The following LRRC4C variants were observed in gnomAD, a reference collection of about 807,000 sequenced individuals.
The protein encoded by LRRC4C is leucine-rich repeat-containing protein 4C.
In LRRC4C, 5 loss-of-function variants were observed where a neutral mutation model predicts 33.6. The observed-to-expected ratio is 0.15, with a 90% CI of 0.08 to 0.31. LRRC4C has a LOEUF of 0.31. Among genes scored for constraint, LRRC4C ranks in the 10% least tolerant of loss-of-function variants. LRRC4C has a pLI of 1.00. For missense variants in LRRC4C, 560 were observed against 796.7 expected (o/e 0.70, Z 3.58); for synonymous variants, 329 against 302.0 (o/e 1.09, Z -0.93).
At chr11:40,752,407 T>G (rs1318659037) in intron 2 of LRRC4C, among the ~76,000 whole-genome samples, 2 of 151,696 alleles carry the variant, frequency 1.3e-5, no homozygotes, top group Non-Finnish European at 2.9e-5. Context: ...CAACAATATA[T>G]AAACAAATCA....
At chr11:40,264,205 T>G (rs1278155897) in intron 4 of LRRC4C, among the ~76,000 whole-genome samples, 1 of 152,186 alleles carries the variant, frequency 6.6e-6, no homozygotes, top group African/African-American at 2.4e-5. Context: ...ACTGTGTGTC[T>G]CCAAAGCCCA....
chr11:40,436,374 A>G (rs1951140029), intron 3 of LRRC4C, among the ~76,000 whole-genome samples: 1 of 152,218 alleles, frequency 6.6e-6, no homozygotes, highest in African/African-American at 2.4e-5. Context: ...TCAAAGGCAC[A>G]TGAAACATAA....
intron 1 of LRRC4C, among the ~76,000 whole-genome samples, chr11:41,117,661 G>A (rs1443186330): frequency 1.3e-5 from 2 of 152,114 alleles, no homozygotes; most frequent in Admixed American, 1.3e-4. Context: ...TTCTCAGGTT[G>A]TAGGATATCG....
chr11:40,336,160 C>T lies in LRRC4C; in HGVS notation c.-269-16439G>A, dbSNP rs182992153. On this transcript the variant is annotated intron_variant, in intron 3 of 6. Transcript: ENST00000528697. ...GCAGTCAAAACAAAATCCCTGCCTG[C>T]ATGAAATTTACCTTCTAACGTAACT... is the stretch of plus-strand genomic sequence containing the variant. Among the ~76,000 whole-genome samples, 52 of 152,328 alleles carry T rather than the reference C, an allele frequency of 3.4e-4. 1 individual carries two copies. Among genetic ancestry groups the T allele is most frequent in the Admixed American group, 7.8e-4 (12 of 15,300 alleles).
At chr11:40,192,629 T>G (rs1163035957) in intron 5 of LRRC4C, among the ~76,000 whole-genome samples, 3 of 152,088 alleles carry the variant, frequency 2.0e-5, no homozygotes, top group Admixed American at 2.0e-4. Context: ...GAAAGTGGGC[T>G]GAAGCCAGGG....
intron 1 of LRRC4C, among the ~76,000 whole-genome samples, chr11:41,179,037 G>T (rs1471660156): frequency 1.3e-5 from 2 of 152,066 alleles, no homozygotes; most frequent in Non-Finnish European, 1.5e-5. Flanking sequence ...TAAGTAATTT[G>T]CATGGTCCTG....
intron 2 of LRRC4C, among the ~76,000 whole-genome samples, chr11:40,657,792 G>C (rs568603332): frequency 2.0e-4 from 31 of 152,302 alleles, no homozygotes; most frequent in African/African-American, 7.2e-4. Context: ...CACAGGTGAG[G>C]GTCCTCAACC....
intron 2 of LRRC4C, among the ~76,000 whole-genome samples, chr11:40,758,454 G>C (rs764484612): frequency 6.6e-6 from 1 of 152,104 alleles, no homozygotes; most frequent in African/African-American, 2.4e-5. Context: ...TGAAGAAATA[G>C]ATTCTGTGAT....
intron 5 of LRRC4C, among the ~76,000 whole-genome samples, chr11:40,230,120 T>C (rs996617507): frequency 3.9e-5 from 6 of 152,190 alleles, no homozygotes; most frequent in Non-Finnish European, 5.9e-5. Context: ...ATATCAGTGA[T>C]GGAAGAGAAG....
intron 1 of LRRC4C, among the ~76,000 whole-genome samples, chr11:40,987,653 CTCATATATATGAGATATAAATGATAT>C (rs1565274508): frequency 2.1e-4 from 5 of 24,102 alleles, no homozygotes; most frequent in African/African-American, 7.3e-4. Flanking sequence ...ATATATATAT[CTCATATATATGAGATATAAATGATAT>C]ATATATATAT....
intron 3 of LRRC4C, among the ~76,000 whole-genome samples, chr11:40,358,532 C>T (rs1947788502): frequency 6.6e-6 from 1 of 152,104 alleles, no homozygotes; most frequent in South Asian, 2.1e-4. Flanking sequence ...CCACCTGCCT[C>T]AGCTTCCTAA....
At chr11:40,685,200 G>A (rs1270530084) in intron 2 of LRRC4C, among the ~76,000 whole-genome samples, 1 of 151,930 alleles carries the variant, frequency 6.6e-6, no homozygotes, top group East Asian at 1.9e-4. Flanking sequence ...GATGCAACTG[G>A]CACCTCTTCT....
At chr11:41,387,098 T>A (rs192640358) in intron 1 of LRRC4C, among the ~76,000 whole-genome samples, 2 of 151,808 alleles carry the variant, frequency 1.3e-5, no homozygotes, top group Non-Finnish European at 2.9e-5. Context: ...GTTATGACTA[T>A]ATGCAAAGCA....
At chr11:40,584,251 T>C (rs1446899629) in intron 3 of LRRC4C, among the ~76,000 whole-genome samples, 1 of 142,090 alleles carries the variant, frequency 7.0e-6, no homozygotes, top group African/African-American at 2.6e-5. Context: ...GCCAAGCGTA[T>C]GTGTTTGGCA....
At chr11:40,409,267 A>T (rs140302807) in intron 3 of LRRC4C, among the ~76,000 whole-genome samples, 1,727 of 152,154 alleles carry the variant, frequency 0.011, 34 homozygotes, top group African/African-American at 0.04. Flanking sequence ...TAAGAACTTA[A>T]ATGTAATACC....
chr11:40,738,915 C>T (rs966789411), intron 2 of LRRC4C, among the ~76,000 whole-genome samples: 2 of 151,920 alleles, frequency 1.3e-5, no homozygotes, highest in African/African-American at 4.8e-5. Flanking sequence ...ATTGAATCTA[C>T]TTTTGGGTAC....
rs1565219333 is a variant in LRRC4C at position 40,936,052 on chromosome 11, AT to A, written c.-495-2330del. 9.7e-4 allele frequency among the ~76,000 whole-genome samples: 107 copies of A among 110,788 alleles called. 6 individuals carry two copies. Among genetic ancestry groups the A allele is most frequent in the South Asian group, 1.4e-3 (5 of 3,470 alleles). The allele number at this position is 110,788 out of a possible 152,430, so 72.7% of individuals were successfully genotyped here. On this transcript the variant is annotated intron_variant, in intron 1 of 6. Coordinates refer to ENST00000528697, the MANE Select transcript of LRRC4C (RefSeq NM_001258419.2). ...TATATATATATATATATATATATAT[AT>A]ATATATATATATAACATAGTTTGAA...
At chr11:41,326,159 G>C (rs1026429931) in intron 1 of LRRC4C, among the ~76,000 whole-genome samples, 1 of 152,028 alleles carries the variant, frequency 6.6e-6, no homozygotes, top group African/African-American at 2.4e-5. Flanking sequence ...AGCACAGCTA[G>C]AATAAAGCAG....
chr11:40,298,901 GA>G (rs1176611140), intron 4 of LRRC4C, among the ~76,000 whole-genome samples: 1 of 152,046 alleles, frequency 6.6e-6, no homozygotes, highest in African/African-American at 2.4e-5. Flanking sequence ...AGCATGGGGG[GA>G]AATGCTCCCA....
Sources: gnomAD v4.1 joint callset for allele counts (sites outside exome capture counted in the v4.1 genomes callset) on GRCh38, gnomAD v4.1.1 for gene constraint, MANE v1.5 for transcripts, NCBI Gene and HGNC (gene_info 2026-07-23, HGNC 2026-07-21) for gene names.